The following FRMD6 variants were observed in gnomAD, a reference collection of about 807,000 sequenced individuals.
The protein encoded by FRMD6 is FERM domain containing 6.
FRMD6 carries 37 observed loss-of-function variants against 73.2 expected under a neutral mutation model. That is an observed-to-expected ratio of 0.51 (90% confidence interval 0.39 to 0.66). FRMD6 has a LOEUF of 0.66. Ranked by LOEUF, FRMD6 falls within the 30% of genes least tolerant of loss-of-function variation. The probability of loss-of-function intolerance (pLI) is 0.00; values close to 1 mark genes in which losing one functional copy is unlikely to be tolerated. For synonymous variants in FRMD6, 273 were observed against 282.2 expected (o/e 0.97, Z 0.33); for missense variants, 714 against 780.5 (o/e 0.91, Z 1.02).
intron 1 of FRMD6, among the ~76,000 whole-genome samples, chr14:51,672,698 G>A (rs1225972036): frequency 6.6e-6 from 1 of 151,732 alleles, no homozygotes; most frequent in Non-Finnish European, 1.5e-5. Flanking sequence ...CTTCATATAG[G>A]GCTATTCAGG....
rs150673055 is a variant in FRMD6 at position 51,602,029 on chromosome 14, A to G, written c.-147+31619A>G. Among the ~76,000 whole-genome samples the G allele has an allele frequency of 4.4e-3, 652 of 148,874 alleles. 3 individuals are homozygous for G. The highest frequency in any genetic ancestry group is 0.021 in the Middle Eastern group (6 of 292). ...TGAAGAGCTGGGTATCCAGCCACTC[A>G]AAAATGTTTTCCCCAACATTCCGTT... is the stretch of plus-strand genomic sequence containing the variant. On this transcript the variant is annotated intron_variant, in intron 2 of 14. Transcript: ENST00000356218.
chr14:51,676,827 C>T (rs1894423283), intron 1 of FRMD6, among the ~76,000 whole-genome samples: 1 of 152,150 alleles, frequency 6.6e-6, no homozygotes, highest in Non-Finnish European at 1.5e-5. Flanking sequence ...CAGCCTCCCC[C>T]ACATTACAAT....
At chr14:51,423,374 C>T in the FRMD6 span, among the ~76,000 whole-genome samples, 1 of 152,192 alleles carries the variant, frequency 6.6e-6, no homozygotes, top group East Asian at 1.9e-4. Flanking sequence ...CTGAAAGTCC[C>T]CTTGTCTTGG....
intron 10 of FRMD6, among the ~76,000 whole-genome samples, chr14:51,716,045 C>T (rs1249502197): frequency 6.6e-6 from 1 of 152,180 alleles, no homozygotes; most frequent in Non-Finnish European, 1.5e-5. Flanking sequence ...GGGAAGTCAG[C>T]TGGTCCTGTG....
chr14:51,559,472 C>CT (rs368241546), intron 1 of FRMD6, among the ~76,000 whole-genome samples: 60 of 145,718 alleles, frequency 4.1e-4, no homozygotes, highest in Middle Eastern at 3.5e-3. Context: ...TTCCACGTTA[C>CT]TTTTTTTTTT....
chr14:51,474,610 A>C, the FRMD6 span, among the ~76,000 whole-genome samples: 3 of 152,172 alleles, frequency 2.0e-5, no homozygotes, highest in Admixed American at 2.0e-4. Flanking sequence ...GCCAAGGGAG[A>C]GAGGAGAGAA....
Position 51,728,050 on chromosome 14 carries a change from T to C in FRMD6, c.*21T>C, listed in dbSNP as rs1898084379. The C allele has an allele frequency of 6.3e-7, 1 of 1,588,736 alleles. No individual in the cohort carries two copies. The highest frequency in any genetic ancestry group is 1.3e-5 in the African/African-American group (1 of 74,430). ...TGTAAAGTCCGTCTGTGTGCAGCTG[T>C]ACAGGCAGCTTACTGTTTGCTAGAG... On this transcript the variant is annotated 3_prime_UTR_variant, in exon 14 of 14. Transcript: ENST00000344768.
chr14:51,548,236 T>A (rs1355388997), intron 1 of FRMD6, among the ~76,000 whole-genome samples: 2 of 152,206 alleles, frequency 1.3e-5, no homozygotes, highest in Admixed American at 1.3e-4. Flanking sequence ...AAAAGAGGCA[T>A]TGCCAGAAAA....
intron 12 of FRMD6, 106 bp from the exon 13 acceptor site, chr14:51,725,673 G>T: frequency 1.2e-6 from 1 of 830,498 alleles, no homozygotes; most frequent in Non-Finnish European, 2.0e-6. Context: ...TTTGGTAATG[G>T]TTAATATTTG....
intron 1 of FRMD6, among the ~76,000 whole-genome samples, chr14:51,490,393 G>C (rs1237940177): frequency 6.6e-6 from 1 of 151,916 alleles, no homozygotes; most frequent in Admixed American, 6.6e-5. Context: ...ATTTATGACA[G>C]AGAGAGAGAG....
upstream of FRMD6, among the ~76,000 whole-genome samples, chr14:51,488,867 C>T (rs898761294): frequency 9.2e-5 from 14 of 152,196 alleles, no homozygotes; most frequent in Non-Finnish European, 1.8e-4. Context: ...AAGCTCACAC[C>T]GGCCTCTGCT....
At chr14:51,589,286 C>T (rs1221806673) in intron 2 of FRMD6, among the ~76,000 whole-genome samples, 1 of 151,822 alleles carries the variant, frequency 6.6e-6, no homozygotes, top group Non-Finnish European at 1.5e-5. Flanking sequence ...ATTTTTGCTC[C>T]ATGTACAGGT....
At chr14:51,441,270 G>A in the FRMD6 span, among the ~76,000 whole-genome samples, 6 of 152,288 alleles carry the variant, frequency 3.9e-5, 1 homozygote, top group African/African-American at 1.4e-4. Context: ...GGAGGCTTTC[G>A]GGCCCTGCCC....
Position 51,704,915 on chromosome 14 carries a change from G to A in FRMD6, c.538G>A (p.Glu180Lys). ...NKHYGKYFEP[E>K]AYFPSWVVSK... The stretch of plus-strand genomic sequence containing the variant: ...GCACTATGGAAAATACTTCGAGCCA[G>A]AGGCTTACTTCCCATCTTGGGTAAG... Residue 180 changes from glutamate (E) to lysine (K), a missense_variant, in exon 6 of 14, where the codon GAG becomes AAG. By Grantham distance (56) the Glu-to-Lys change is moderately conservative. Transcript: ENST00000344768. 6.2e-7 allele frequency: 1 copy of A among 1,609,334 alleles called. No individual in the cohort carries two copies. The highest frequency in any genetic ancestry group is 1.1e-5 in the South Asian group (1 of 90,776).
At chr14:51,470,185 C>G in the FRMD6 span, among the ~76,000 whole-genome samples, 2 of 152,066 alleles carry the variant, frequency 1.3e-5, no homozygotes, top group Non-Finnish European at 2.9e-5. Context: ...TTCAATTAAT[C>G]TAGCTAGGGG....
At chr14:51,526,556 C>G (rs1010291719) in intron 1 of FRMD6, among the ~76,000 whole-genome samples, 1 of 152,154 alleles carries the variant, frequency 6.6e-6, no homozygotes, top group African/African-American at 2.4e-5. Context: ...CCTTTGCTGT[C>G]TCACTTTTCC....
At chr14:51,574,431 G>C (rs1002982253) in intron 2 of FRMD6, among the ~76,000 whole-genome samples, 4 of 152,116 alleles carry the variant, frequency 2.6e-5, no homozygotes, top group Non-Finnish European at 4.4e-5. Flanking sequence ...TCCATCATGA[G>C]ACAAATGGAT....
intron 2 of FRMD6, among the ~76,000 whole-genome samples, chr14:51,591,478 GT>G (rs779715219): frequency 4.6e-4 from 70 of 152,142 alleles, no homozygotes; most frequent in African/African-American, 1.6e-3. Context: ...TTTCTGATAA[GT>G]TTTTTACAAA....
At chr14:51,636,167 C>T (rs1002054037) in intron 2 of FRMD6, among the ~76,000 whole-genome samples, 2 of 152,192 alleles carry the variant, frequency 1.3e-5, no homozygotes, top group African/African-American at 4.8e-5. Context: ...CCCCATTACT[C>T]CCCGGAGCCA....
Sources: allele counts gnomAD v4.1 joint callset (sites outside exome capture counted in the v4.1 genomes callset), GRCh38; gene constraint gnomAD v4.1.1; transcripts MANE v1.5; gene names NCBI Gene and HGNC (gene_info 2026-07-23, HGNC 2026-07-21).